CREB3L2: variants seen among roughly 807,000 people sequenced by gnomAD.
CREB3L2 encodes the protein cyclic AMP-responsive element-binding protein 3-like protein 2.
Under a neutral mutation model 57.2 loss-of-function variants are expected in CREB3L2, and 23 were observed. That is an observed-to-expected ratio of 0.40 (90% confidence interval 0.29 to 0.57). The LOEUF is 0.57. Ranked by LOEUF, CREB3L2 falls within the 20% of genes least tolerant of loss-of-function variation. The pLI, the probability that CREB3L2 is intolerant of heterozygous loss-of-function variation, is 0.42. For missense variants in CREB3L2, 628 were observed against 634.7 expected, an observed-to-expected ratio of 0.99 and a Z score of 0.11; for synonymous variants, 268 against 265.1, an observed-to-expected ratio of 1.01 and a Z score of -0.11.
intron 7 of CREB3L2, 120 bp downstream of exon 7, chr7:137,903,838 AC>A (rs1285817967): frequency 2.4e-6 from 2 of 819,736 alleles, no homozygotes; most frequent in Non-Finnish European, 4.1e-6. Flanking sequence ...CAGCTGATAA[AC>A]CACCGGGTTT....
intron 1 of CREB3L2, among the ~76,000 whole-genome samples, chr7:137,992,649 G>A (rs1801920077): frequency 6.6e-6 from 1 of 152,200 alleles, no homozygotes; most frequent in African/African-American, 2.4e-5. Context: ...TTATAGCAGA[G>A]CCCAGGGGAA....
At chr7:137,987,338 G>T (rs187285864) in intron 1 of CREB3L2, among the ~76,000 whole-genome samples, 1 of 152,180 alleles carries the variant, frequency 6.6e-6, no homozygotes, top group Non-Finnish European at 1.5e-5. Flanking sequence ...CTTTTTAATG[G>T]TACTGAAATC....
chr7:137,971,189 G>T (rs1801499278), intron 1 of CREB3L2, among the ~76,000 whole-genome samples: 1 of 152,028 alleles, frequency 6.6e-6, no homozygotes, highest in South Asian at 2.1e-4. Flanking sequence ...GGTGGCTCAC[G>T]CCTGTAATCC....
intron 1 of CREB3L2, among the ~76,000 whole-genome samples, chr7:137,937,574 A>G (rs1004636375): frequency 6.6e-6 from 1 of 152,244 alleles, no homozygotes; most frequent in African/African-American, 2.4e-5. Context: ...AATGGCTCAC[A>G]AGTCAAACTC....
chr7:137,895,810 TC>T (rs1299967827), intron 8 of CREB3L2, among the ~76,000 whole-genome samples: 4 of 152,132 alleles, frequency 2.6e-5, no homozygotes, highest in Non-Finnish European at 4.4e-5. Flanking sequence ...CCACTCACCT[TC>T]CCTGCCATGC....
At chr7:137,995,722 C>G (rs957904484) in intron 1 of CREB3L2, among the ~76,000 whole-genome samples, 5 of 152,200 alleles carry the variant, frequency 3.3e-5, no homozygotes, top group African/African-American at 1.2e-4. Context: ...CTTCTAGCTG[C>G]AAGCACTGTA....
At chr7:137,996,116 T>TA (rs1436465427) in intron 1 of CREB3L2, among the ~76,000 whole-genome samples, 1 of 152,272 alleles carries the variant, frequency 6.6e-6, no homozygotes, top group Admixed American at 6.5e-5. Flanking sequence ...CGCCCACTAC[T>TA]ACCTGGCTAT....
At chr7:137,900,625 T>C (rs950403296) in intron 8 of CREB3L2, among the ~76,000 whole-genome samples, 6 of 150,016 alleles carry the variant, frequency 4.0e-5, no homozygotes, top group Admixed American at 1.3e-4. Flanking sequence ...TGAAACCCCA[T>C]CTCTACTAAA....
In CREB3L2 at chr7:137,980,505, G is replaced by A. The variant is rs750269189; in HGVS notation, c.102+21099C>T. On this transcript the variant is annotated intron_variant, in intron 1 of 11. Coordinates refer to ENST00000330387, the MANE Select transcript of CREB3L2 (RefSeq NM_194071.4). This position sits in a 1 kb window ranked among gnomAD's most constrained non-coding sequence, Gnocchi z 4.3. ...CAGTTAAAAAGGTTCCAAACTGGTG[G>A]GGGGCAACCCCAGGCCTAGACAAAC... 6.6e-6 allele frequency among the ~76,000 whole-genome samples: 1 copy of A among 152,208 alleles called. No individual in the cohort carries two copies. Among genetic ancestry groups the A allele is most frequent in the South Asian group, 2.1e-4 (1 of 4,832 alleles).
chr7:137,903,924 G>T, intron 7 of CREB3L2, 35 bp downstream of exon 7: 1 of 1,571,782 alleles, frequency 6.4e-7, no homozygotes, highest in Non-Finnish European at 8.8e-7. Flanking sequence ...TGTGCATACT[G>T]CCCGATGAAC....
intron 1 of CREB3L2, among the ~76,000 whole-genome samples, chr7:137,931,653 G>A (rs1432495255): frequency 2.0e-5 from 3 of 151,664 alleles, no homozygotes; most frequent in Non-Finnish European, 2.9e-5. Flanking sequence ...CCAACATGGT[G>A]AAACTCCATC....
chr7:137,956,427 C>T (rs1212177100), intron 1 of CREB3L2, among the ~76,000 whole-genome samples: 1 of 152,144 alleles, frequency 6.6e-6, no homozygotes, highest in Non-Finnish European at 1.5e-5. Flanking sequence ...ACAGTAATAC[C>T]CGGGTTTCCT....
At position 137,930,156 on chromosome 7, in the gene CREB3L2, C is replaced by A. The variant is rs571947520; in HGVS notation, c.103-1790G>T. ...TCGTGATCCGCCCGTCTTGGCCTCC[C>A]AAAGTGCTGGGATTACAGGCGTGAG... On this transcript the variant is annotated intron_variant, in intron 1 of 11. Transcript: ENST00000330387. 7.5e-4 allele frequency among the ~76,000 whole-genome samples: 114 copies of A among 152,126 alleles called. 1 individual carries two copies. The highest frequency in any genetic ancestry group is 8.8e-4 in the Non-Finnish European group (60 of 68,002).
At chr7:137,953,278 C>T (rs555638839) in intron 1 of CREB3L2, 8 of 367,944 alleles carry the variant, frequency 2.2e-5, no homozygotes, top group South Asian at 1.4e-4. Context: ...GATTAGCTCC[C>T]GGTGGTGTTT....
chr7:137,970,050 G>A (rs1239506362), intron 1 of CREB3L2, among the ~76,000 whole-genome samples: 2 of 152,094 alleles, frequency 1.3e-5, no homozygotes, highest in Non-Finnish European at 2.9e-5. Flanking sequence ...TGTTATGGGG[G>A]GGTTAGAAGA....
At chr7:137,890,062 A>T (rs1305583103) in intron 8 of CREB3L2, among the ~76,000 whole-genome samples, 1 of 152,192 alleles carries the variant, frequency 6.6e-6, no homozygotes, top group East Asian at 1.9e-4. Flanking sequence ...AGTAACATTA[A>T]TATTATGTTG....
chr7:137,936,820 C>T (rs1324166744), intron 1 of CREB3L2, among the ~76,000 whole-genome samples: 1 of 152,190 alleles, frequency 6.6e-6, no homozygotes, highest in East Asian at 1.9e-4. Flanking sequence ...TTCAGCTCTA[C>T]TACCCTATCA....
intron 1 of CREB3L2, among the ~76,000 whole-genome samples, chr7:137,929,151 G>C (rs1461040842): frequency 6.6e-6 from 1 of 152,034 alleles, no homozygotes; most frequent in Non-Finnish European, 1.5e-5. Flanking sequence ...CTAATACCAT[G>C]AACTTTCCAG....
chr7:137,951,239 G>A (rs954499530), intron 1 of CREB3L2, among the ~76,000 whole-genome samples: 1 of 152,114 alleles, frequency 6.6e-6, no homozygotes, highest in Non-Finnish European at 1.5e-5. Context: ...GTGCTATCTA[G>A]TGTCCTAAGT....
Sources: gnomAD v4.1 joint callset for allele counts (sites outside exome capture counted in the v4.1 genomes callset) on GRCh38, gnomAD v4.1.1 for gene constraint, Gnocchi (gnomAD v3.1) non-coding constraint, MANE v1.5 for transcripts, NCBI Gene and HGNC (gene_info 2026-07-23, HGNC 2026-07-21) for gene names.